The following LRRC37A2 variants were observed in gnomAD, a reference collection of about 807,000 sequenced individuals.
LRRC37A2 encodes the protein leucine-rich repeat-containing protein 37A2.
A neutral mutation model predicts 68.8 loss-of-function variants in LRRC37A2; 9 were observed. That is an observed-to-expected ratio of 0.13 (90% CI 0.08 to 0.23). The LOEUF (loss-of-function observed/expected upper bound fraction) is 0.23, where lower values mean the gene tolerates loss of function less well. Among genes scored for constraint, LRRC37A2 ranks in the 10% least tolerant of loss-of-function variants. LRRC37A2 has a pLI of 1.00. For synonymous variants in LRRC37A2, 63 were observed against 367.6 expected (o/e 0.17, Z 9.48); for missense variants, 168 against 950.4 (o/e 0.18, Z 10.82).
chr17:46,915,251 C>A, the LRRC37A2 span, among the ~76,000 whole-genome samples: 1 of 152,094 alleles, frequency 6.6e-6, no homozygotes, highest in South Asian at 2.1e-4. Context: ...GTGGGAATGG[C>A]TGGAAGACTG....
the LRRC37A2 span, chr17:46,952,777 G>A: frequency 6.6e-6 from 1 of 152,138 alleles, no homozygotes; most frequent in Non-Finnish European, 1.5e-5. Context: ...CATGCCTGAA[G>A]CCTCAGAACT....
At chr17:46,681,587 C>T in the LRRC37A2 span, among the ~76,000 whole-genome samples, 2 of 150,604 alleles carry the variant, frequency 1.3e-5, no homozygotes, top group Non-Finnish European at 2.9e-5. Context: ...GTAAGCTGTA[C>T]TGAATTAATC....
At chr17:46,804,786 T>C in the LRRC37A2 span, among the ~76,000 whole-genome samples, 1 of 152,168 alleles carries the variant, frequency 6.6e-6, no homozygotes, top group Non-Finnish European at 1.5e-5. Flanking sequence ...CAGTGCTCTG[T>C]AAGAATGCAC....
At chr17:46,777,265 G>A in the LRRC37A2 span, among the ~76,000 whole-genome samples, 2 of 152,242 alleles carry the variant, frequency 1.3e-5, no homozygotes, top group African/African-American at 2.4e-5. Flanking sequence ...CAACTTGTGC[G>A]AGGTCACACA....
chr17:46,850,853 C>T, the LRRC37A2 span, among the ~76,000 whole-genome samples: 1 of 151,938 alleles, frequency 6.6e-6, no homozygotes. Context: ...CCGCAGGGCT[C>T]TGTCTGCCCC....
chr17:46,807,341 G>C, the LRRC37A2 span, among the ~76,000 whole-genome samples: 1 of 152,218 alleles, frequency 6.6e-6, no homozygotes, highest in African/African-American at 2.4e-5. Flanking sequence ...AATTAGCTGG[G>C]TGTGGTGGCG....
chr17:46,697,163 C>T, the LRRC37A2 span, among the ~76,000 whole-genome samples: 1 of 147,688 alleles, frequency 6.8e-6, no homozygotes, highest in African/African-American at 2.6e-5. Context: ...CCATAGTACC[C>T]CAGATAGATC....
At chr17:46,946,354 G>A in the LRRC37A2 span, among the ~76,000 whole-genome samples, 45 of 151,414 alleles carry the variant, frequency 3.0e-4, no homozygotes, top group Non-Finnish European at 4.0e-4. Flanking sequence ...CCAGCTGCTC[G>A]GGAGGCTGAG....
chr17:46,551,281 G>C (rs2056787724), intron 11 of LRRC37A2, among the ~76,000 whole-genome samples: 2 of 149,776 alleles, frequency 1.3e-5, no homozygotes, highest in Non-Finnish European at 2.9e-5. Context: ...TCTGTCTTTT[G>C]TTCGATTACA....
At chr17:46,813,616 T>C in the LRRC37A2 span, among the ~76,000 whole-genome samples, 1 of 151,980 alleles carries the variant, frequency 6.6e-6, no homozygotes, top group African/African-American at 2.4e-5. Flanking sequence ...TCCTGGCTCA[T>C]CACATTCTGA....
At chr17:46,918,327 C>T in the LRRC37A2 span, among the ~76,000 whole-genome samples, 2 of 152,184 alleles carry the variant, frequency 1.3e-5, no homozygotes, top group African/African-American at 4.8e-5. Flanking sequence ...ATCCGCCCAC[C>T]TTGGCCTCAC....
the LRRC37A2 span, among the ~76,000 whole-genome samples, chr17:46,791,217 C>CTT: frequency 6.8e-6 from 1 of 146,756 alleles, no homozygotes; most frequent in Non-Finnish European, 1.5e-5. Context: ...TTTCCTTACT[C>CTT]TTTTTTTTTT....
the LRRC37A2 span, among the ~76,000 whole-genome samples, chr17:46,952,209 T>A: frequency 6.6e-6 from 1 of 152,234 alleles, no homozygotes; most frequent in Non-Finnish European, 1.5e-5. Context: ...TTGTCTCTCC[T>A]TCCTGTGGAA....
At chr17:46,707,956 C>T in the LRRC37A2 span, among the ~76,000 whole-genome samples, 3 of 151,674 alleles carry the variant, frequency 2.0e-5, no homozygotes, top group African/African-American at 7.3e-5. Flanking sequence ...TCATTTGGAT[C>T]CGGGAGGTGG....
the LRRC37A2 span, among the ~76,000 whole-genome samples, chr17:46,903,787 G>T: frequency 6.7e-6 from 1 of 149,646 alleles, no homozygotes; most frequent in African/African-American, 2.5e-5. Context: ...TGGATGGGTG[G>T]GTGGATGGAT....
chr17:46,486,057 T>A, the LRRC37A2 span, among the ~76,000 whole-genome samples: 1 of 77,338 alleles, frequency 1.3e-5, no homozygotes, highest in South Asian at 5.6e-4. Context: ...TGGCATTAAA[T>A]ACATTCTTAA....
chr17:46,720,070 T>C, the LRRC37A2 span, among the ~76,000 whole-genome samples: 2 of 152,226 alleles, frequency 1.3e-5, no homozygotes, highest in Non-Finnish European at 2.9e-5. Context: ...CTAATCCTCC[T>C]CTTTTCATGG....
intron 2 of LRRC37A2, among the ~76,000 whole-genome samples, chr17:46,516,281 C>T (rs2667810): frequency 7.6e-5 from 9 of 117,818 alleles, no homozygotes; most frequent in South Asian, 2.6e-4. Context: ...CCAGCCTGGG[C>T]GACAGAGCAA....
the LRRC37A2 span, among the ~76,000 whole-genome samples, chr17:46,846,109 A>G: frequency 6.6e-6 from 1 of 152,108 alleles, no homozygotes; most frequent in Non-Finnish European, 1.5e-5. Context: ...TGAAATTGAG[A>G]GTTCTCCTCC....
Sources: gnomAD v4.1 joint callset for allele counts (sites outside exome capture counted in the v4.1 genomes callset) on GRCh38, gnomAD v4.1.1 for gene constraint, MANE v1.5 for transcripts, NCBI Gene and HGNC (gene_info 2026-07-23, HGNC 2026-07-21) for gene names.